Variants in SP4 observed in about 807,000 individuals in gnomAD.
SP4 encodes transcription factor Sp4.
A neutral mutation model predicts 72.8 loss-of-function variants in SP4; 19 were observed. The ratio of observed to expected loss-of-function variants is 0.26; its 90% confidence interval spans 0.18 to 0.38. SP4 has a LOEUF of 0.38. SP4 is among the 10% of genes least tolerant of loss of function. SP4 has a pLI of 1.00. For missense variants in SP4, 1,008 were observed against 926.3 expected (o/e 1.09, Z -1.14); for synonymous variants, 395 against 333.1 (o/e 1.19, Z -2.02).
In SP4 at chr7:21,446,799, C is replaced by T. The variant is rs142083957; in HGVS notation, c.1678+15956C>T. Among the ~76,000 whole-genome samples the T allele has an allele frequency of 3.1e-4, 46 of 148,774 alleles. No individual in the cohort carries two copies. The South Asian group carries it at 5.7e-3, about 19-fold the overall frequency. On this transcript the variant is annotated intron_variant, in intron 3 of 5. Coordinates refer to ENST00000222584, the MANE Select transcript of SP4 (RefSeq NM_003112.5). The stretch of plus-strand genomic sequence containing the variant: ...ACTGTGAATGGAGCATGTTCATATA[C>T]GGGTTTGTTTGTTTTGACAAATTCT...
chr7:21,442,006 T>TTG (rs58100749), intron 3 of SP4, among the ~76,000 whole-genome samples: 6,596 of 129,970 alleles, frequency 0.051, 396 homozygotes, highest in East Asian at 0.2. Flanking sequence ...GTGTGTGTGT[T>TTG]TGTGTGTGTG....
At chr7:21,477,598 G>A (rs533454125) in intron 4 of SP4, among the ~76,000 whole-genome samples, 2 of 150,756 alleles carry the variant, frequency 1.3e-5, no homozygotes, top group African/African-American at 4.9e-5. Flanking sequence ...GTGCAGTGGT[G>A]CAATCTCAGC....
chr7:21,502,952 C>G (rs1255170035), intron 5 of SP4, among the ~76,000 whole-genome samples: 1 of 152,046 alleles, frequency 6.6e-6, no homozygotes, highest in African/African-American at 2.4e-5. Flanking sequence ...TTAGGTGACC[C>G]ATGCACTTTC....
chr7:21,434,944 TTTAAC>T (rs1393476241), intron 3 of SP4, among the ~76,000 whole-genome samples: 4 of 152,228 alleles, frequency 2.6e-5, no homozygotes, highest in Non-Finnish European at 4.4e-5. Flanking sequence ...GCTCCTTTAT[TTTAAC>T]TAAGTGAGGA....
At chr7:21,486,579 A>G (rs1562619892) in intron 5 of SP4, among the ~76,000 whole-genome samples, 1 of 152,122 alleles carries the variant, frequency 6.6e-6, no homozygotes. Context: ...AATGTTTTCT[A>G]ATGATTAGAG....
intron 5 of SP4, among the ~76,000 whole-genome samples, chr7:21,487,764 G>T (rs1784860903): frequency 6.4e-5 from 1 of 15,578 alleles, no homozygotes; most frequent in South Asian, 2.4e-3. Context: ...TGATGATGAT[G>T]GTGGTGGTGG....
At chr7:21,442,028 G>A (rs868093535) in intron 3 of SP4, among the ~76,000 whole-genome samples, 18 of 68,140 alleles carry the variant, frequency 2.6e-4, no homozygotes, top group African/African-American at 8.2e-4. Flanking sequence ...GTGTGTGTGT[G>A]TGTGTGTGTA....
chr7:21,502,010 A>C (rs940385539), intron 5 of SP4, among the ~76,000 whole-genome samples: 1 of 133,720 alleles, frequency 7.5e-6, no homozygotes, highest in South Asian at 2.5e-4. Context: ...CCGAGCTGCT[A>C]TTTGGTTTCG....
chr7:21,452,979 C>T (rs375571594), intron 3 of SP4, among the ~76,000 whole-genome samples: 8 of 152,030 alleles, frequency 5.3e-5, no homozygotes, highest in African/African-American at 1.7e-4. Context: ...ACGGTTTCAC[C>T]ACATTGGCCA....
intron 4 of SP4, among the ~76,000 whole-genome samples, chr7:21,478,309 A>G (rs1360304596): frequency 6.6e-6 from 1 of 152,238 alleles, no homozygotes; most frequent in Non-Finnish European, 1.5e-5. Context: ...GTTATGAATA[A>G]TACTGCAGTA....
At chr7:21,435,026 G>A (rs1245244231) in intron 3 of SP4, among the ~76,000 whole-genome samples, 1 of 152,106 alleles carries the variant, frequency 6.6e-6, no homozygotes, top group Admixed American at 6.5e-5. Context: ...TGAATTTCAG[G>A]TGTTACATTT....
At chr7:21,471,597 GCTGAGGCAGGAGGATCA>G (rs754237113) in intron 3 of SP4, among the ~76,000 whole-genome samples, 24 of 152,330 alleles carry the variant, frequency 1.6e-4, no homozygotes, top group Non-Finnish European at 2.9e-4. Flanking sequence ...TACTTGGGAG[GCTGAGGCAGGAGGATCA>G]CTTGAGGTCA....
chr7:21,492,266 G>T (rs554419229), intron 5 of SP4, among the ~76,000 whole-genome samples: 6 of 152,272 alleles, frequency 3.9e-5, no homozygotes, highest in South Asian at 4.1e-4. Context: ...GGTGGGTGGA[G>T]ATACTCCCCT....
At chr7:21,445,555 A>C (rs1409350220) in intron 3 of SP4, among the ~76,000 whole-genome samples, 1 of 152,152 alleles carries the variant, frequency 6.6e-6, no homozygotes, top group Admixed American at 6.5e-5. Context: ...GAAACAAAAC[A>C]GACATGTTCT....
At chr7:21,503,168 C>G (rs753417979) in intron 5 of SP4, among the ~76,000 whole-genome samples, 27 of 152,144 alleles carry the variant, frequency 1.8e-4, no homozygotes, top group Admixed American at 4.6e-4. Context: ...GAGCCATGAA[C>G]TCAAGAGGTG....
intron 5 of SP4, among the ~76,000 whole-genome samples, chr7:21,499,962 C>G (rs1429732082): frequency 6.6e-6 from 1 of 152,186 alleles, no homozygotes; most frequent in East Asian, 1.9e-4. Context: ...CCATTCCAAT[C>G]TATCATTCCA....
At chr7:21,457,655 A>G (rs1346111454) in intron 3 of SP4, among the ~76,000 whole-genome samples, 1 of 152,206 alleles carries the variant, frequency 6.6e-6, no homozygotes, top group African/African-American at 2.4e-5. Flanking sequence ...GATGAAGCAC[A>G]TTGAGTTTTT....
intron 3 of SP4, among the ~76,000 whole-genome samples, chr7:21,463,292 A>G (rs1784053364): frequency 6.6e-6 from 1 of 152,158 alleles, no homozygotes; most frequent in South Asian, 2.1e-4. Context: ...TTGAGGACAG[A>G]GGGAAAAAAA....
chr7:21,430,678 A>G lies in SP4; in HGVS notation c.1513A>G (p.Thr505Ala). 1 of 1,614,242 alleles carries G rather than the reference A, an allele frequency of 6.2e-7. No homozygotes were observed. The highest frequency in any genetic ancestry group is 8.5e-7 in the Non-Finnish European group (1 of 1,180,042). Residue 505 changes from threonine (T) to alanine (A), a missense_variant, in exon 3 of 6, where the codon ACA becomes GCA. Around this residue, in one of 3 missense-constraint regions of SP4, gnomAD observed 893 missense variants for 743.3 expected, o/e 1.20. Coordinates refer to ENST00000222584, the MANE Select transcript of SP4 (RefSeq NM_003112.5). ...CACCCCAGTGTCTTCAAGTGGTGGC[A>G]CAACTCTTGCTCAGATTGCTCCTGT... ...TITPVSSSGG[T>A]TLAQIAPVAV...
Sources: allele counts gnomAD v4.1 joint callset (sites outside exome capture counted in the v4.1 genomes callset), GRCh38; gene constraint gnomAD v4.1.1; regional missense constraint gnomAD v4.1.1; transcripts MANE v1.5; gene names NCBI Gene and HGNC (gene_info 2026-07-23, HGNC 2026-07-21).